PCDHA7: variants seen among roughly 807,000 people sequenced by gnomAD.
PCDHA7 encodes the protein protocadherin alpha-7.
A neutral mutation model predicts 57.2 loss-of-function variants in PCDHA7; 37 were observed. The observed-to-expected ratio is 0.65, with a 90% CI of 0.50 to 0.85. The LOEUF (loss-of-function observed/expected upper bound fraction) is 0.85. PCDHA7 is among the 40% of genes least tolerant of loss of function. The probability of loss-of-function intolerance (pLI) is 0.00; values close to 1 mark genes in which losing one functional copy is unlikely to be tolerated. For missense variants in PCDHA7, 1,188 were observed against 1,241.8 expected (o/e 0.96, Z 0.65); for synonymous variants, 553 against 558.8 (o/e 0.99, Z 0.15).
chr5:140,862,716 G>T, intron 1 of PCDHA7: 3 of 564,370 alleles, frequency 5.3e-6, no homozygotes, highest in Non-Finnish European at 1.0e-5. Flanking sequence ...GGGTGGGCGA[G>T]TGCGCGCTGT....
intron 1 of PCDHA7, chr5:140,855,950 C>A: frequency 7.3e-7 from 1 of 1,363,922 alleles, no homozygotes; most frequent in Non-Finnish European, 1.0e-6. Flanking sequence ...TCAGCCATTT[C>A]GATAAAAAAT....
At chr5:140,926,783 C>T (rs1230665699) in intron 1 of PCDHA7, 2 of 1,410,186 alleles carry the variant, frequency 1.4e-6, no homozygotes, top group Non-Finnish European at 1.8e-6. Flanking sequence ...CAGTGACGGC[C>T]GGCAGGAGCG....
chr5:140,856,499 T>A, intron 1 of PCDHA7: 1 of 1,598,458 alleles, frequency 6.3e-7, no homozygotes, highest in Non-Finnish European at 8.6e-7. Flanking sequence ...TGACTCTCGA[T>A]TTCCACTAGA....
intron 1 of PCDHA7, among the ~76,000 whole-genome samples, chr5:140,943,312 A>G (rs1229555554): frequency 1.3e-5 from 2 of 150,890 alleles, no homozygotes; most frequent in African/African-American, 2.4e-5. Context: ...AGTCATTATT[A>G]GCAATATTGT....
chr5:140,846,361 T>TTTTC lies in PCDHA7; in HGVS notation c.2355+9635_2355+9638dup, dbSNP rs1362162129. ...AAAGTGCTTTCTCTTTTTTCTTTTC[T>TTTTC]TTTCTTTCTTTCTTTTTTTTTTTTT... is the stretch of plus-strand genomic sequence containing the variant. On this transcript the variant is annotated intron_variant, in intron 1 of 3. Coordinates refer to ENST00000525929, the MANE Select transcript of PCDHA7 (RefSeq NM_018910.3). 1.5e-5 allele frequency among the ~76,000 whole-genome samples: 2 copies of TTTTC among 133,632 alleles called. 1 individual carries two copies. Among genetic ancestry groups the TTTTC allele is most frequent in the Non-Finnish European group, 3.2e-5 (2 of 63,348 alleles). 87.7% of individuals were successfully genotyped at this position (133,632 alleles called of 152,430 possible). A position where few individuals can be genotyped will look rare whatever the true frequency, so the allele number is the denominator to read the frequency against.
intron 1 of PCDHA7, chr5:140,863,200 GC>G: frequency 1.1e-6 from 1 of 918,418 alleles, no homozygotes. Context: ...GGCGTCGCTG[GC>G]GGAGAGCAGC....
At chr5:140,885,236 T>C (rs2060525853) in intron 1 of PCDHA7, among the ~76,000 whole-genome samples, 1 of 152,166 alleles carries the variant, frequency 6.6e-6, no homozygotes, top group Non-Finnish European at 1.5e-5. Context: ...CTGCTTTCAA[T>C]TTTTTATTTG....
Position 140,835,940 on chromosome 5 carries a change from G to A in PCDHA7, c.1557G>A (p.Ala519=). 6 of 1,612,590 alleles carry A rather than the reference G, an allele frequency of 3.7e-6. No homozygotes were observed. In the South Asian group the frequency reaches 6.6e-5, roughly 18 times the overall value. ...ACGCGGAGAGCGGCAAGGTGTACGCGCTGCAGCCGTTGGACCACGAGGAGC... is the reference window on the plus strand; with the variant it reads ...ACGCGGAGAGCGGCAAGGTGTACGCACTGCAGCCGTTGGACCACGAGGAGC... ...SVHAESGKVY[A]LQPLDHEELE... The change falls in exon 1 of 4, where the codon GCG becomes GCA. Residue 519 remains alanine, a synonymous_variant. Transcript: ENST00000525929.
Position 140,916,977 on chromosome 5 carries a change from T to A in PCDHA7, c.2356-61972T>A, listed in dbSNP as rs569550595. Among the ~76,000 whole-genome samples the A allele has an allele frequency of 2.6e-5, 4 of 152,302 alleles. No individual in the cohort carries two copies. In the South Asian group the frequency reaches 8.3e-4, roughly 32 times the overall value. On this transcript the variant is annotated intron_variant, in intron 1 of 3. Transcript: ENST00000525929. ...AGTTCTGACTGCTGGGATGAGTGAT[T>A]CGCCTCTGGCCAGGCCTGTTCCAAA...
chr5:140,888,287 C>T (rs1371852276), intron 1 of PCDHA7, among the ~76,000 whole-genome samples: 1 of 152,072 alleles, frequency 6.6e-6, no homozygotes, highest in African/African-American at 2.4e-5. Flanking sequence ...CCCCTCTACC[C>T]CCTACCCAGG....
chr5:140,947,754 G>A (rs1295200380), intron 1 of PCDHA7, among the ~76,000 whole-genome samples: 2 of 151,334 alleles, frequency 1.3e-5, no homozygotes, highest in African/African-American at 2.4e-5. Flanking sequence ...TGTATTTTAT[G>A]GTTTAAAAAA....
chr5:140,875,506 C>A, intron 1 of PCDHA7: 1 of 1,613,618 alleles, frequency 6.2e-7, no homozygotes, highest in Non-Finnish European at 8.5e-7. Flanking sequence ...CCCGGGATCC[C>A]AGCGTCTGCT....
intron 1 of PCDHA7, chr5:140,968,895 T>G: frequency 6.2e-7 from 1 of 1,614,218 alleles, no homozygotes; most frequent in Non-Finnish European, 8.5e-7. Context: ...TATCTAATAA[T>G]AGCATTAAGC....
At chr5:140,918,510 A>G (rs1224635164) in intron 1 of PCDHA7, among the ~76,000 whole-genome samples, 1 of 152,144 alleles carries the variant, frequency 6.6e-6, no homozygotes, top group Non-Finnish European at 1.5e-5. Flanking sequence ...ATCCTTTTAA[A>G]CTTATTGAGG....
chr5:141,008,786 T>C (rs2098390952), intron 3 of PCDHA7, among the ~76,000 whole-genome samples: 1 of 152,212 alleles, frequency 6.6e-6, no homozygotes, highest in South Asian at 2.1e-4. Context: ...TGGCTCCCAG[T>C]GTTTTATCTA....
chr5:140,968,422 G>C, intron 1 of PCDHA7: 2 of 1,613,984 alleles, frequency 1.2e-6, no homozygotes, highest in Non-Finnish European at 1.7e-6. Context: ...TGGAGGCTCA[G>C]GACAAGGGGA....
chr5:140,968,401 C>A, intron 1 of PCDHA7: 4 of 1,613,984 alleles, frequency 2.5e-6, no homozygotes, highest in Non-Finnish European at 2.5e-6. Context: ...TTCGGGAGTT[C>A]TTTGTGACTG....
chr5:140,931,838 C>G (rs572437091), intron 1 of PCDHA7, among the ~76,000 whole-genome samples: 4 of 151,894 alleles, frequency 2.6e-5, no homozygotes, highest in African/African-American at 9.6e-5. Context: ...ATCCTGAATG[C>G]CTTAATAACA....
In PCDHA7 at chr5:140,843,023, C is replaced by G. The variant is rs2150350362; in HGVS notation, c.2355+6285C>G. 1.3e-5 allele frequency: 21 copies of G among 1,595,146 alleles called. 2 individuals carry two copies. The highest frequency in any genetic ancestry group is 7.7e-5 in the South Asian group (7 of 90,508). On this transcript the variant is annotated intron_variant, in intron 1 of 3. Coordinates refer to ENST00000525929, the MANE Select transcript of PCDHA7 (RefSeq NM_018910.3). ...TGACAACGCGCCGGCACTGCTGGAG[C>G]CTCGGGTGGGTGGCACTGGTGGCGC...
Sources: gnomAD v4.1 joint callset for allele counts (sites outside exome capture counted in the v4.1 genomes callset) on GRCh38, gnomAD v4.1.1 for gene constraint, MANE v1.5 for transcripts, NCBI Gene and HGNC (gene_info 2026-07-23, HGNC 2026-07-21) for gene names.